The following NEDD9 variants were observed in gnomAD, a reference collection of about 807,000 sequenced individuals.
NEDD9 encodes neural precursor cell expressed, developmentally down-regulated 9.
NEDD9 carries 26 observed loss-of-function variants against 76.6 expected under a neutral mutation model. That is an observed-to-expected ratio of 0.34 (90% CI 0.25 to 0.47). The LOEUF is 0.47. NEDD9 is among the 20% of genes least tolerant of loss of function. The pLI is 1.00. For synonymous variants in NEDD9, 392 were observed against 414.2 expected, an observed-to-expected ratio of 0.95 and a Z score of 0.65; for missense variants, 937 against 1,058.5, an observed-to-expected ratio of 0.89 and a Z score of 1.59.
intron 1 of NEDD9, among the ~76,000 whole-genome samples, chr6:11,360,466 A>G (rs1056443539): frequency 1.3e-5 from 2 of 152,092 alleles, no homozygotes; most frequent in Non-Finnish European, 1.5e-5. Context: ...GTAATTCCCA[A>G]TGTTGCAGGT....
intron 2 of NEDD9, among the ~76,000 whole-genome samples, chr6:11,201,419 C>T (rs1758451966): frequency 6.6e-6 from 1 of 152,240 alleles, no homozygotes; most frequent in African/African-American, 2.4e-5. Context: ...CATGACTTCT[C>T]ATCTCTCCCC....
chr6:11,239,647 A>C (rs1425653601), intron 3 of NEDD9, among the ~76,000 whole-genome samples: 1 of 152,172 alleles, frequency 6.6e-6, no homozygotes, highest in Non-Finnish European at 1.5e-5. Context: ...ATTTTGGCAC[A>C]AGAGACCTCA....
intron 2 of NEDD9, among the ~76,000 whole-genome samples, chr6:11,315,318 A>C (rs1761520192): frequency 6.6e-6 from 1 of 152,198 alleles, no homozygotes; most frequent in Non-Finnish European, 1.5e-5. Context: ...CCCTTCATAA[A>C]ACAGCCCATC....
At chr6:11,280,452 T>G (rs969380710) in intron 3 of NEDD9, among the ~76,000 whole-genome samples, 6 of 152,172 alleles carry the variant, frequency 3.9e-5, no homozygotes, top group African/African-American at 1.4e-4. Context: ...CCAGGGGAAA[T>G]GAGCAGCCTG....
chr6:11,323,804 C>T (rs1761865650), intron 2 of NEDD9, among the ~76,000 whole-genome samples: 1 of 152,250 alleles, frequency 6.6e-6, no homozygotes, highest in Non-Finnish European at 1.5e-5. Context: ...TGGCGTCCTG[C>T]TCATTGGTGG....
At position 11,198,796 on chromosome 6, in the gene NEDD9, A is replaced by G. The variant is rs1257273241; in HGVS notation, c.460-5104T>C. 6.6e-6 allele frequency: 1 copy of G among 152,282 alleles called. No individual in the cohort carries two copies. Among genetic ancestry groups the G allele is most frequent in the Non-Finnish European group, 1.5e-5 (1 of 68,080 alleles). The allele number at this position is 152,282 out of a possible 1,614,324, so 9.4% of individuals were successfully genotyped here. ...TAAGCAAGATGGCGTGAGGTCTGCC[A>G]CTACAGAATAAGCTTGGTTTCCAGG... is the stretch of plus-strand genomic sequence containing the variant. On this transcript the variant is annotated intron_variant, in intron 2 of 6. Transcript: ENST00000379446. This position sits in a 1 kb window ranked among gnomAD's most constrained non-coding sequence, Gnocchi z 4.7.
At chr6:11,316,476 G>C (rs1202359241) in intron 2 of NEDD9, among the ~76,000 whole-genome samples, 1 of 152,080 alleles carries the variant, frequency 6.6e-6, no homozygotes, top group African/African-American at 2.4e-5. Flanking sequence ...ATTCTGTCCT[G>C]TGTCTCCATC....
chr6:11,200,160 G>T lies in NEDD9; in HGVS notation c.460-6468C>A, dbSNP rs1758406506. 7 of 268,414 alleles carry T rather than the reference G, an allele frequency of 2.6e-5. 1 individual carries two copies. Among genetic ancestry groups the T allele is most frequent in the South Asian group, 2.3e-4 (7 of 30,620 alleles). The allele number at this position is 268,414 out of a possible 1,614,324, so 16.6% of individuals were successfully genotyped here. ...TTCTACAGCTTCTTTGGGTAAGGGG[G>T]AACATTGGACTATAGGGCTCACCAA... On this transcript the variant is annotated intron_variant, in intron 2 of 6. Coordinates refer to ENST00000379446, the MANE Select transcript of NEDD9 (RefSeq NM_006403.4).
chr6:11,340,987 T>C (rs933992139), intron 1 of NEDD9, among the ~76,000 whole-genome samples: 1 of 152,206 alleles, frequency 6.6e-6, no homozygotes, highest in African/African-American at 2.4e-5. Flanking sequence ...GTTGCCTCCC[T>C]ACCGTTCTAA....
intron 3 of NEDD9, among the ~76,000 whole-genome samples, chr6:11,268,543 C>A (rs1760242362): frequency 6.6e-6 from 1 of 152,086 alleles, no homozygotes; most frequent in Non-Finnish European, 1.5e-5. Flanking sequence ...GCCTGGCCAC[C>A]ATGGTGAAAC....
At chr6:11,379,404 A>G (rs1763024295) in intron 1 of NEDD9, among the ~76,000 whole-genome samples, 1 of 152,098 alleles carries the variant, frequency 6.6e-6, no homozygotes, top group Admixed American at 6.5e-5. Flanking sequence ...CTTGGCCAAC[A>G]TGGTGAAACC....
intron 2 of NEDD9, chr6:11,329,017 C>T (rs1210107280): frequency 6.6e-6 from 1 of 152,242 alleles, no homozygotes; most frequent in Non-Finnish European, 1.5e-5. Context: ...TGGACTTGAG[C>T]CCCAGTGCCT....
In NEDD9 at chr6:11,360,887, C is replaced by T. The variant is rs997990454; in HGVS notation, c.-214+21252G>A. 9.9e-5 allele frequency among the ~76,000 whole-genome samples: 15 copies of T among 152,226 alleles called. No homozygotes were observed. The East Asian group carries it at 1.5e-3, about 16-fold the overall frequency. On this transcript the variant is annotated intron_variant, in intron 1 of 3. Transcript: ENST00000397378. ...TGAGCACTTTGGTCCTCATATTCTG[C>T]GGACAATGGAAGAGAAAGAACAGAA...
At chr6:11,371,264 CA>C (rs1762869521) in intron 1 of NEDD9, among the ~76,000 whole-genome samples, 1 of 152,214 alleles carries the variant, frequency 6.6e-6, no homozygotes, top group East Asian at 1.9e-4. Context: ...AATAAACCTG[CA>C]TTGACACATC....
intron 3 of NEDD9, chr6:11,248,880 G>T: frequency 2.9e-6 from 1 of 343,328 alleles, no homozygotes; most frequent in Non-Finnish European, 5.8e-6. Context: ...TGAAGTGTCA[G>T]CTGTCTCCTT....
At chr6:11,362,324 A>G (rs1398284433) in intron 1 of NEDD9, among the ~76,000 whole-genome samples, 3 of 152,226 alleles carry the variant, frequency 2.0e-5, no homozygotes, top group African/African-American at 7.2e-5. Context: ...CGCCTAGTCT[A>G]TAGTACTCGG....
At chr6:11,214,240 T>A (rs752006965) in intron 1 of NEDD9, 1 of 515,298 alleles carries the variant, frequency 1.9e-6, no homozygotes, top group Non-Finnish European at 3.9e-6. Flanking sequence ...CACATATATA[T>A]GCCTTGGCAG....
intron 3 of NEDD9, among the ~76,000 whole-genome samples, chr6:11,299,768 G>A (rs914633886): frequency 2.0e-5 from 3 of 152,132 alleles, no homozygotes; most frequent in Non-Finnish European, 2.9e-5. Flanking sequence ...GAAGCTGAGG[G>A]GTCTGTAAGA....
intron 1 of NEDD9, among the ~76,000 whole-genome samples, chr6:11,216,343 C>T (rs1419509788): frequency 3.9e-5 from 6 of 152,232 alleles, no homozygotes; most frequent in Non-Finnish European, 7.3e-5. Context: ...ATGTCTACAT[C>T]CAGCCACTCT....
Sources: gnomAD v4.1 joint callset for allele counts (sites outside exome capture counted in the v4.1 genomes callset) on GRCh38, gnomAD v4.1.1 for gene constraint, Gnocchi (gnomAD v3.1) non-coding constraint, MANE v1.5 for transcripts, NCBI Gene and HGNC (gene_info 2026-07-23, HGNC 2026-07-21) for gene names.